Variants in NBAS observed in about 807,000 individuals in gnomAD.
NBAS encodes NAG/BC035112 fusion.
In NBAS, 219 loss-of-function variants were observed where a neutral mutation model predicts 302.5. That is an observed-to-expected ratio of 0.72 (90% CI 0.65 to 0.81). The LOEUF (loss-of-function observed/expected upper bound fraction) is 0.81, where lower values mean the gene tolerates loss of function less well. Ranked by LOEUF, NBAS falls within the 30% of genes least tolerant of loss-of-function variation. The pLI is 0.00. For missense variants in NBAS, 2,932 were observed against 2,841.6 expected, an observed-to-expected ratio of 1.03 and a Z score of -0.72; for synonymous variants, 1,118 against 1,021.6, an observed-to-expected ratio of 1.09 and a Z score of -1.80.
chr2:14,983,860 A>G, the NBAS span, among the ~76,000 whole-genome samples: 4 of 152,134 alleles, frequency 2.6e-5, no homozygotes, highest in Middle Eastern at 3.2e-3. Flanking sequence ...GCAGAACTTG[A>G]TTCTGTGGTT....
chr2:14,818,844 T>C, the NBAS span, among the ~76,000 whole-genome samples: 4 of 152,252 alleles, frequency 2.6e-5, no homozygotes, highest in African/African-American at 9.6e-5. Flanking sequence ...AAGCACAGTC[T>C]TGCATTTCTG....
the NBAS span, among the ~76,000 whole-genome samples, chr2:15,159,472 C>T: frequency 2.6e-5 from 4 of 151,938 alleles, no homozygotes; most frequent in African/African-American, 7.3e-5. Flanking sequence ...ACAACATGGA[C>T]GAAACTTGAG....
At chr2:15,380,258 T>G (rs967241432) in intron 29 of NBAS, among the ~76,000 whole-genome samples, 1 of 152,198 alleles carries the variant, frequency 6.6e-6, no homozygotes, top group African/African-American at 2.4e-5. Flanking sequence ...TAATTTTCAT[T>G]TTTAATATGG....
At chr2:15,146,880 G>A in the NBAS span, among the ~76,000 whole-genome samples, 2 of 152,132 alleles carry the variant, frequency 1.3e-5, no homozygotes. Context: ...CCTGCCATGG[G>A]CAGGGGACAT....
At chr2:15,166,589 G>A (rs988386329), downstream of NBAS, among the ~76,000 whole-genome samples, 2 of 152,070 alleles carry the variant, frequency 1.3e-5, no homozygotes, top group Non-Finnish European at 2.9e-5. Flanking sequence ...AATAGACATA[G>A]GTTCAAAGAG....
At chr2:15,230,348 A>G (rs1667328858) in intron 47 of NBAS, among the ~76,000 whole-genome samples, 1 of 151,834 alleles carries the variant, frequency 6.6e-6, no homozygotes. Context: ...AATACTTGCC[A>G]AAATAAAAGT....
the NBAS span, among the ~76,000 whole-genome samples, chr2:15,136,034 A>G: frequency 3.0e-3 from 450 of 152,282 alleles, 4 homozygotes; most frequent in Non-Finnish European, 4.6e-3. Flanking sequence ...AAGCGCCAAC[A>G]CCAAACACCA....
chr2:14,972,101 C>T, the NBAS span, among the ~76,000 whole-genome samples: 1 of 152,062 alleles, frequency 6.6e-6, no homozygotes, highest in Non-Finnish European at 1.5e-5. Flanking sequence ...ACACATACAC[C>T]ATGGAATACT....
At chr2:14,993,905 G>T in the NBAS span, among the ~76,000 whole-genome samples, 1 of 152,174 alleles carries the variant, frequency 6.6e-6, no homozygotes, top group Non-Finnish European at 1.5e-5. Flanking sequence ...CACTGTTTCA[G>T]AGGGCGGGAG....
At chr2:15,073,352 G>T in the NBAS span, among the ~76,000 whole-genome samples, 4 of 151,888 alleles carry the variant, frequency 2.6e-5, no homozygotes, top group South Asian at 8.3e-4. Context: ...GGTGGCAGGT[G>T]CCTGTAATCC....
chr2:15,019,505 T>C, the NBAS span, among the ~76,000 whole-genome samples: 5 of 152,214 alleles, frequency 3.3e-5, no homozygotes, highest in South Asian at 1.0e-3. Flanking sequence ...ATCAGAATTG[T>C]GCCTAGATAT....
intron 11 of NBAS, among the ~76,000 whole-genome samples, chr2:15,497,494 T>C (rs192842574): frequency 6.6e-6 from 1 of 152,124 alleles, no homozygotes; most frequent in African/African-American, 2.4e-5. Context: ...TTTTCAGGTA[T>C]CTCCCTTTGG....
intron 42 of NBAS, among the ~76,000 whole-genome samples, chr2:15,278,283 C>G (rs1350455664): frequency 6.6e-6 from 1 of 152,110 alleles, no homozygotes; most frequent in African/African-American, 2.4e-5. Context: ...CAAGAAAAAC[C>G]TTATTTTTCC....
At chr2:15,002,609 G>A in the NBAS span, among the ~76,000 whole-genome samples, 2 of 152,226 alleles carry the variant, frequency 1.3e-5, no homozygotes, top group Non-Finnish European at 2.9e-5. Flanking sequence ...GGGAGGCTCG[G>A]GCCGCACAGG....
intron 35 of NBAS, among the ~76,000 whole-genome samples, chr2:15,338,664 A>AAC (rs747969790): frequency 7.1e-5 from 5 of 70,430 alleles, no homozygotes; most frequent in East Asian, 2.7e-4. Context: ...CATGAATACA[A>AAC]ACACACACAT....
rs189930458 is a variant in NBAS at position 15,301,560 on chromosome 2, C to T, written c.4797+6656G>A. On this transcript the variant is annotated intron_variant, in intron 40 of 51. Transcript: ENST00000281513. ...CCTCCAATTCAATTCCTGGAGACAG[C>T]GCCAGATCTGATGTCCAAGAACAGA... 5.8e-4 allele frequency among the ~76,000 whole-genome samples: 89 copies of T among 152,318 alleles called. 1 individual carries two copies. Among genetic ancestry groups the T allele is most frequent in the South Asian group, 2.1e-4 (1 of 4,824 alleles).
the NBAS span, among the ~76,000 whole-genome samples, chr2:14,879,274 G>A: frequency 2.2e-4 from 34 of 152,272 alleles, no homozygotes; most frequent in Admixed American, 2.2e-3. Context: ...TCCATGTGCA[G>A]ATTTTTGTTT....
chr2:15,125,452 A>G, the NBAS span, among the ~76,000 whole-genome samples: 1 of 152,202 alleles, frequency 6.6e-6, no homozygotes, highest in Non-Finnish European at 1.5e-5. Flanking sequence ...GACAGTGCCA[A>G]GAGGATGGTA....
chr2:15,520,581 T>C (rs1425564135), intron 9 of NBAS, among the ~76,000 whole-genome samples: 3 of 151,768 alleles, frequency 2.0e-5, no homozygotes, highest in Non-Finnish European at 4.4e-5. Context: ...CCATATGGTC[T>C]CGCACAACTA....
Sources: gnomAD v4.1 joint callset for allele counts (sites outside exome capture counted in the v4.1 genomes callset) on GRCh38, gnomAD v4.1.1 for gene constraint, MANE v1.5 for transcripts, NCBI Gene and HGNC (gene_info 2026-07-23, HGNC 2026-07-21) for gene names.